NCKAP5: variants seen among roughly 807,000 people sequenced by gnomAD.
NCKAP5 encodes nck-associated protein 5.
NCKAP5 carries 92 observed loss-of-function variants against 167.0 expected under a neutral mutation model. The ratio of observed to expected loss-of-function variants is 0.55; its 90% CI spans 0.47 to 0.66. The LOEUF is 0.66. Ranked by LOEUF, NCKAP5 falls within the 30% of genes least tolerant of loss-of-function variation. NCKAP5 has a pLI of 0.00. For missense variants in NCKAP5, 2,378 were observed against 2,315.0 expected (o/e 1.03, Z -0.56); for synonymous variants, 891 against 877.4 (o/e 1.02, Z -0.27).
chr2:133,528,847 G>A (rs1270062114), intron 2 of NCKAP5, among the ~76,000 whole-genome samples: 1 of 152,180 alleles, frequency 6.6e-6, no homozygotes, highest in African/African-American at 2.4e-5. Flanking sequence ...ACTAGGGCTT[G>A]CCCATCTCTT....
At chr2:133,129,314 C>G (rs113616917) in intron 6 of NCKAP5, among the ~76,000 whole-genome samples, 5,098 of 151,108 alleles carry the variant, frequency 0.034, 261 homozygotes, top group African/African-American at 0.12. Context: ...GCTCATTGTT[C>G]AATTCCCACC....
At chr2:133,418,946 A>G (rs1689296792) in intron 3 of NCKAP5, among the ~76,000 whole-genome samples, 1 of 152,212 alleles carries the variant, frequency 6.6e-6, no homozygotes, top group Non-Finnish European at 1.5e-5. Flanking sequence ...CCTTCTACAG[A>G]GAAAATTCTT....
chr2:133,575,452 G>T, the NCKAP5 span, among the ~76,000 whole-genome samples: 1 of 152,178 alleles, frequency 6.6e-6, no homozygotes, highest in Non-Finnish European at 1.5e-5. Flanking sequence ...GAGTCCTATC[G>T]GTTAGGGTCA....
chr2:133,266,000 GC>G (rs1359497742), intron 4 of NCKAP5, among the ~76,000 whole-genome samples: 5 of 152,108 alleles, frequency 3.3e-5, no homozygotes, highest in Non-Finnish European at 7.4e-5. Context: ...GCCCCTTTAC[GC>G]CCCCACCCTT....
intron 2 of NCKAP5, among the ~76,000 whole-genome samples, chr2:133,552,659 T>A (rs1257833477): frequency 7.2e-6 from 1 of 138,270 alleles, no homozygotes; most frequent in Admixed American, 7.3e-5. Flanking sequence ...GACGAGTTAG[T>A]GGGTGCAGTG....
chr2:133,357,353 A>C (rs1684811214), intron 3 of NCKAP5, among the ~76,000 whole-genome samples: 1 of 151,944 alleles, frequency 6.6e-6, no homozygotes, highest in Non-Finnish European at 1.5e-5. Flanking sequence ...ATGTGAATAT[A>C]GGGTCTTTCC....
intron 3 of NCKAP5, among the ~76,000 whole-genome samples, chr2:133,357,290 C>CACAA (rs1684801164): frequency 1.8e-5 from 2 of 111,936 alleles, no homozygotes; most frequent in African/African-American, 9.0e-5. Context: ...CATACACAGA[C>CACAA]ACACACACAC....
chr2:133,338,541 A>G (rs969559063), intron 3 of NCKAP5, among the ~76,000 whole-genome samples: 2 of 152,218 alleles, frequency 1.3e-5, no homozygotes, highest in African/African-American at 2.4e-5. Context: ...TACAATGAGT[A>G]TCAGGTTCTT....
At chr2:133,156,939 T>G (rs2083598192) in intron 5 of NCKAP5, among the ~76,000 whole-genome samples, 1 of 152,124 alleles carries the variant, frequency 6.6e-6, no homozygotes, top group Non-Finnish European at 1.5e-5. Context: ...ATATGAACTC[T>G]CCACTCCAGG....
chr2:133,383,424 A>C (rs1190035873), intron 3 of NCKAP5, among the ~76,000 whole-genome samples: 2 of 152,170 alleles, frequency 1.3e-5, no homozygotes, highest in South Asian at 2.1e-4. Flanking sequence ...ATAGTATTCC[A>C]TGGTGTATAT....
intron 3 of NCKAP5, among the ~76,000 whole-genome samples, chr2:133,448,493 G>T (rs187794006): frequency 3.3e-5 from 5 of 152,166 alleles, no homozygotes; most frequent in Admixed American, 6.6e-5. Flanking sequence ...CAAAAGTAGC[G>T]CATGTATGTT....
At chr2:133,308,238 G>C (rs1387311916) in intron 3 of NCKAP5, among the ~76,000 whole-genome samples, 3 of 151,426 alleles carry the variant, frequency 2.0e-5, no homozygotes, top group African/African-American at 7.3e-5. Context: ...ACAGGCGCCC[G>C]CCACCACGCC....
At position 132,783,211 on chromosome 2, in the gene NCKAP5, C is replaced by T. The variant is rs775011640; in HGVS notation, c.3600G>A (p.Glu1200=). 1.2e-6 allele frequency: 2 copies of T among 1,613,992 alleles called. No individual in the cohort carries two copies. The highest frequency in any genetic ancestry group is 2.2e-5 in the East Asian group (1 of 44,872). ...PEDSKNPASM[E]ITAGERNVTL... ...TCACATTTCTTTCACCCGCTGTGAT[C>T]TCCATGCTTGCTGGATTCTTGGAGT... is the stretch of plus-strand genomic sequence containing the variant. The change falls in exon 14 of 20, where the codon GAG becomes GAA. Residue 1200 remains glutamate, a synonymous_variant. Transcript: ENST00000409261.
intron 6 of NCKAP5, among the ~76,000 whole-genome samples, chr2:133,126,059 T>C (rs1364523571): frequency 2.0e-5 from 3 of 152,240 alleles, no homozygotes; most frequent in Non-Finnish European, 4.4e-5. Flanking sequence ...GCCTGGTGCC[T>C]TCAAGCCATC....
At chr2:133,071,807 T>C (rs1324017327) in intron 6 of NCKAP5, among the ~76,000 whole-genome samples, 1 of 152,200 alleles carries the variant, frequency 6.6e-6, no homozygotes, top group African/African-American at 2.4e-5. Flanking sequence ...AGAATTAACA[T>C]TTCCCAAGAG....
At chr2:133,545,308 C>A (rs1686561167) in intron 2 of NCKAP5, among the ~76,000 whole-genome samples, 1 of 152,072 alleles carries the variant, frequency 6.6e-6, no homozygotes, top group African/African-American at 2.4e-5. Context: ...GCAGAAACAG[C>A]CAAGTTGGGT....
At chr2:132,778,818 C>T (rs1350813115) in intron 15 of NCKAP5, among the ~76,000 whole-genome samples, 2 of 152,144 alleles carry the variant, frequency 1.3e-5, no homozygotes, top group Non-Finnish European at 2.9e-5. Context: ...AATCTCCTTC[C>T]TATATAGGCT....
At chr2:133,522,195 G>A (rs1684534349) in intron 2 of NCKAP5, among the ~76,000 whole-genome samples, 1 of 152,160 alleles carries the variant, frequency 6.6e-6, no homozygotes, top group Non-Finnish European at 1.5e-5. Flanking sequence ...GTGACTGCAG[G>A]CTCCAGCAAC....
At position 132,801,603 on chromosome 2, in the gene NCKAP5, C is replaced by G. The variant is rs897068848; in HGVS notation, c.808-4874G>C. Among the ~76,000 whole-genome samples, 5 of 152,278 alleles carry G rather than the reference C, an allele frequency of 3.3e-5. No homozygotes were observed. In the East Asian group the frequency reaches 7.7e-4, roughly 24 times the overall value. ...GATTGTGTGAAGAGCTAAGATGTAT[C>G]ACAATTTATAACAGAACGCATGCCT... is the stretch of plus-strand genomic sequence containing the variant. On this transcript the variant is annotated intron_variant, in intron 11 of 19. Coordinates refer to ENST00000409261, the MANE Select transcript of NCKAP5 (RefSeq NM_207363.3).
Sources: allele counts gnomAD v4.1 joint callset (sites outside exome capture counted in the v4.1 genomes callset), GRCh38; gene constraint gnomAD v4.1.1; transcripts MANE v1.5; gene names NCBI Gene and HGNC (gene_info 2026-07-23, HGNC 2026-07-21).